Variants in IFT122 observed in about 807,000 individuals in gnomAD.
IFT122 encodes the protein intraflagellar transport protein 122 homolog.
Under a neutral mutation model 161.6 loss-of-function variants are expected in IFT122, and 118 were observed. That is an observed-to-expected ratio of 0.73 (90% CI 0.63 to 0.85). The LOEUF (loss-of-function observed/expected upper bound fraction) is 0.85, where lower values mean the gene tolerates loss of function less well. Ranked by LOEUF, IFT122 falls within the 40% of genes least tolerant of loss-of-function variation. The probability of loss-of-function intolerance (pLI) is 0.00; values close to 1 mark genes in which losing one functional copy is unlikely to be tolerated. For missense variants in IFT122, 1,381 were observed against 1,579.6 expected, an observed-to-expected ratio of 0.87 and a Z score of 2.13; for synonymous variants, 550 against 602.4, an observed-to-expected ratio of 0.91 and a Z score of 1.27.
chr3:129,504,559 G>C (rs2081990715), intron 21 of IFT122, 138 bp downstream of exon 21: 1 of 754,346 alleles, frequency 1.3e-6, no homozygotes, highest in Non-Finnish European at 2.3e-6. Flanking sequence ...GTGATTGTTT[G>C]GTGGTGAAAG....
chr3:129,456,392 A>G (rs2075494130), intron 3 of IFT122: 2 of 718,182 alleles, frequency 2.8e-6, no homozygotes, highest in Non-Finnish European at 1.9e-6. Flanking sequence ...TGATCTCAGC[A>G]CTTTGGGAAG....
At chr3:129,469,707 G>A (rs1357669586) in intron 9 of IFT122, among the ~76,000 whole-genome samples, 2 of 152,174 alleles carry the variant, frequency 1.3e-5, no homozygotes, top group African/African-American at 4.8e-5. Context: ...AAATGGTGGA[G>A]CCTAGGAGTT....
chr3:129,483,842 C>G (rs1237676679), intron 15 of IFT122, 160 bp downstream of exon 15: 5 of 757,436 alleles, frequency 6.6e-6, no homozygotes, highest in Middle Eastern at 3.6e-4. Context: ...GCCGCCCTGT[C>G]TCCACTCCTT....
chr3:129,456,349 A>C lies in IFT122; in HGVS notation c.194-2250A>C, dbSNP rs560218054. On this transcript the variant is annotated intron_variant, in intron 3 of 29. Transcript: ENST00000348417. ...TATCTACTATTTCAGCTACTGTAAAAGGTACTTGGCCGGGTGTGGTGGCTC... is the reference window on the plus strand; with the variant it reads ...TATCTACTATTTCAGCTACTGTAAACGGTACTTGGCCGGGTGTGGTGGCTC... The C allele has an allele frequency of 1.6e-4, 174 of 1,089,300 alleles. No homozygotes were observed. In the South Asian group the frequency reaches 2.4e-3, roughly 15 times the overall value. 67.5% of individuals were successfully genotyped at this position (1,089,300 alleles called of 1,614,324 possible). A position where few individuals can be genotyped will look rare whatever the true frequency, so the allele number is the denominator to read the frequency against.
chr3:129,507,618 C>A, intron 22 of IFT122, 50 bp from the exon 23 acceptor site: 1 of 1,466,926 alleles, frequency 6.8e-7, no homozygotes, highest in Non-Finnish European at 9.6e-7. Context: ...CAGTTGGCAG[C>A]CACAGACACT....
intron 22 of IFT122, among the ~76,000 whole-genome samples, chr3:129,506,923 A>T (rs1220286363): frequency 6.6e-6 from 1 of 152,222 alleles, no homozygotes; most frequent in East Asian, 1.9e-4. Context: ...ATTCTTACTC[A>T]TCCCAGCCAG....
intron 3 of IFT122, among the ~76,000 whole-genome samples, chr3:129,455,246 C>T (rs2075336237): frequency 6.6e-6 from 1 of 151,960 alleles, no homozygotes; most frequent in Non-Finnish European, 1.5e-5. Flanking sequence ...GATCTCGGCT[C>T]ATGGCAACCT....
chr3:129,520,315 G>A lies in IFT122; in HGVS notation c.*50G>A, dbSNP rs369241774. The A allele has an allele frequency of 1.5e-6, 2 of 1,361,858 alleles. No individual in the cohort carries two copies. Among genetic ancestry groups the A allele is most frequent in the South Asian group, 2.4e-5 (2 of 83,710 alleles). The allele number at this position is 1,361,858 out of a possible 1,614,324, so 84.4% of individuals were successfully genotyped here. On this transcript the variant is annotated 3_prime_UTR_variant, in exon 30 of 30. Transcript: ENST00000348417. ...CCCTCTGCCCGCCTTGGGGTCTGCT[G>A]GGCTGTGAAGGAGAATAAAGAGTTA...
intron 1 of IFT122, among the ~76,000 whole-genome samples, chr3:129,448,223 T>C (rs66895088): frequency 0.13 from 20,200 of 152,198 alleles, 1,715 homozygotes; most frequent in South Asian, 0.24. Context: ...AAAACTAGGA[T>C]ACGGACACAC....
intron 3 of IFT122, among the ~76,000 whole-genome samples, chr3:129,457,227 T>G (rs1162158022): frequency 1.3e-5 from 2 of 152,214 alleles, no homozygotes; most frequent in Non-Finnish European, 2.9e-5. Flanking sequence ...AACAAATTAC[T>G]TGTTATATGT....
At chr3:129,515,451 T>C (rs1470300654) in intron 25 of IFT122, 37 bp from the exon 26 acceptor site, 2 of 1,137,470 alleles carry the variant, frequency 1.8e-6, no homozygotes, top group Non-Finnish European at 2.6e-6. Context: ...GACACGTGCC[T>C]GCCCCGGCCC....
At chr3:129,485,233 G>T (rs1227809646) in intron 15 of IFT122, among the ~76,000 whole-genome samples, 1 of 152,218 alleles carries the variant, frequency 6.6e-6, no homozygotes, top group Non-Finnish European at 1.5e-5. Context: ...CAAAGCACGT[G>T]TACCTTTGAA....
chr3:129,488,106 A>G, intron 15 of IFT122, 151 bp from the exon 16 acceptor site: 1 of 1,252,720 alleles, frequency 8.0e-7, no homozygotes, highest in Non-Finnish European at 1.1e-6. Flanking sequence ...TGGGCTGGGC[A>G]GGCTGGGCAG....
intron 9 of IFT122, among the ~76,000 whole-genome samples, chr3:129,473,526 C>A (rs2077585758): frequency 6.6e-6 from 1 of 152,182 alleles, no homozygotes; most frequent in African/African-American, 2.4e-5. Flanking sequence ...GTTTACTTTG[C>A]TGGGCTCAAA....
Position 129,463,643 on chromosome 3 carries a change from C to T in IFT122, c.416+17C>T, listed in dbSNP as rs773053690. ...CTGCTGCAGGTAAGTGCAGCTCTGA[C>T]GATAAGATTTATGTTCCTTCATCTT... On this transcript the variant is annotated intron_variant, in intron 6 of 29. Coordinates refer to ENST00000348417, the MANE Select transcript of IFT122 (RefSeq NM_052989.3). 20 of 1,595,960 alleles carry T rather than the reference C, an allele frequency of 1.3e-5. No homozygotes were observed. The highest frequency in any genetic ancestry group is 3.3e-5 in the Admixed American group (2 of 59,980).
intron 1 of IFT122, among the ~76,000 whole-genome samples, chr3:129,442,385 C>T (rs1053702522): frequency 5.3e-5 from 8 of 151,880 alleles, no homozygotes; most frequent in Admixed American, 6.6e-5. Context: ...ATATATAAAA[C>T]GAAATACTGT....
intron 2 of IFT122, among the ~76,000 whole-genome samples, chr3:129,450,725 T>G (rs2074687385): frequency 8.0e-6 from 1 of 125,444 alleles, no homozygotes; most frequent in African/African-American, 3.5e-5. Flanking sequence ...TTTTTTTTTT[T>G]TTTTTTTTTT....
intron 5 of IFT122, among the ~76,000 whole-genome samples, chr3:129,461,983 A>G (rs567719816): frequency 1.3e-5 from 2 of 152,306 alleles, no homozygotes; most frequent in African/African-American, 4.8e-5. Flanking sequence ...GTTCGTTGCT[A>G]GTGGATACAA....
intron 15 of IFT122, 70 bp downstream of exon 15, chr3:129,483,752 C>G (rs972540595): frequency 1.4e-6 from 2 of 1,408,730 alleles, no homozygotes; most frequent in Admixed American, 3.9e-5. Flanking sequence ...GGGCCCTTTG[C>G]TGGTGCTTTG....
Sources: allele counts gnomAD v4.1 joint callset (sites outside exome capture counted in the v4.1 genomes callset), GRCh38; gene constraint gnomAD v4.1.1; transcripts MANE v1.5; gene names NCBI Gene and HGNC (gene_info 2026-07-23, HGNC 2026-07-21).